Variants in ADAMTS19 observed in about 807,000 individuals in gnomAD.
ADAMTS19 encodes ADAM metallopeptidase with thrombospondin type 1 motif 19, also known as A disintegrin and metalloproteinase with thrombospondin motifs 19.
In ADAMTS19, 93 loss-of-function variants were observed where a neutral mutation model predicts 153.3. The ratio of observed to expected loss-of-function variants is 0.61; its 90% CI spans 0.51 to 0.72. The LOEUF is 0.72. Ranked by LOEUF, ADAMTS19 falls within the 30% of genes least tolerant of loss-of-function variation. The pLI is 0.00. For missense variants in ADAMTS19, 1,482 were observed against 1,552.1 expected (o/e 0.95, Z 0.76); for synonymous variants, 600 against 556.6 (o/e 1.08, Z -1.10).
chr5:129,656,442 G>A (rs974120721), intron 14 of ADAMTS19, among the ~76,000 whole-genome samples: 1 of 152,180 alleles, frequency 6.6e-6, no homozygotes, highest in Admixed American at 6.5e-5. Flanking sequence ...CTTAGTGAAC[G>A]AAAGGCAATT....
intron 15 of ADAMTS19, among the ~76,000 whole-genome samples, chr5:129,664,552 A>G (rs1014723244): frequency 6.6e-6 from 1 of 152,100 alleles, no homozygotes; most frequent in Admixed American, 6.6e-5. Flanking sequence ...CAGGGGGGGT[A>G]TATGCTACCT....
intron 7 of ADAMTS19, among the ~76,000 whole-genome samples, chr5:129,552,215 A>T (rs1299360139): frequency 6.6e-6 from 1 of 151,890 alleles, no homozygotes; most frequent in African/African-American, 2.4e-5. Context: ...CCAAAGACAA[A>T]ATATATTAAT....
At chr5:129,486,775 A>T (rs994072503) in intron 2 of ADAMTS19, among the ~76,000 whole-genome samples, 1 of 152,204 alleles carries the variant, frequency 6.6e-6, no homozygotes, top group African/African-American at 2.4e-5. Context: ...TAAATACAGT[A>T]AAATAAATTA....
chr5:129,476,661 T>C (rs183728516), intron 2 of ADAMTS19, among the ~76,000 whole-genome samples: 38 of 152,290 alleles, frequency 2.5e-4, no homozygotes, highest in African/African-American at 8.9e-4. Flanking sequence ...GTAATGTAAG[T>C]TTCAAGAGTT....
chr5:129,505,091 G>A (rs1434268779), intron 2 of ADAMTS19, among the ~76,000 whole-genome samples: 2 of 152,008 alleles, frequency 1.3e-5, no homozygotes, highest in Non-Finnish European at 2.9e-5. Flanking sequence ...ATTTTATCAC[G>A]ACTGTTACAA....
At chr5:129,478,546 T>G (rs1750301618) in intron 2 of ADAMTS19, among the ~76,000 whole-genome samples, 1 of 152,136 alleles carries the variant, frequency 6.6e-6, no homozygotes, top group Admixed American at 6.5e-5. Flanking sequence ...CCCTACCTTT[T>G]TTTGTTTGTT....
In ADAMTS19 at chr5:129,694,759, G is replaced by A. The variant is rs1364431508; in HGVS notation, c.2858G>A (p.Ser953Asn). 1 of 1,605,990 alleles carries A rather than the reference G, an allele frequency of 6.2e-7. No individual in the cohort carries two copies. Among genetic ancestry groups the A allele is most frequent in the African/African-American group, 1.3e-5 (1 of 74,490 alleles). The change falls in exon 19 of 23, where the codon AGC becomes AAC. Residue 953 changes from serine to asparagine, a missense_variant. Ser to Asn is a conservative substitution (Grantham distance 46). Coordinates refer to ENST00000274487, the MANE Select transcript of ADAMTS19 (RefSeq NM_133638.6). ...KTTVSCTKIM[S>N]KNISIVDNEK... is the part of the protein sequence containing the mutation. ...ACAGTGTCCTGCACAAAAATCATGA[G>A]CAAAAATATCAGCATTGTGGACAAT...
intron 10 of ADAMTS19, among the ~76,000 whole-genome samples, chr5:129,632,856 G>A (rs1363954767): frequency 2.0e-5 from 3 of 151,994 alleles, no homozygotes; most frequent in Non-Finnish European, 4.4e-5. Context: ...TGACTATAAT[G>A]TGTCTACATA....
intron 2 of ADAMTS19, among the ~76,000 whole-genome samples, chr5:129,462,326 G>C (rs1468082673): frequency 2.0e-5 from 3 of 152,194 alleles, no homozygotes; most frequent in Non-Finnish European, 2.9e-5. Flanking sequence ...AGTTGGGAGG[G>C]ACTCAACTGA....
At chr5:129,540,901 G>A (rs957709293) in intron 6 of ADAMTS19, among the ~76,000 whole-genome samples, 4 of 151,938 alleles carry the variant, frequency 2.6e-5, no homozygotes, top group Non-Finnish European at 2.9e-5. Context: ...CAGACTTCGG[G>A]TGCACAGTCT....
chr5:129,632,089 G>C (rs1752322294), intron 10 of ADAMTS19, among the ~76,000 whole-genome samples: 1 of 152,022 alleles, frequency 6.6e-6, no homozygotes, highest in Non-Finnish European at 1.5e-5. Flanking sequence ...GTCAGCAGCA[G>C]AGCCTCTGTT....
intron 2 of ADAMTS19, among the ~76,000 whole-genome samples, chr5:129,494,346 T>G (rs1750860936): frequency 6.6e-6 from 1 of 152,040 alleles, no homozygotes. Context: ...GATACATGTT[T>G]TTGTCATTGG....
At chr5:129,670,875 T>G (rs1754271366) in intron 16 of ADAMTS19, among the ~76,000 whole-genome samples, 1 of 152,170 alleles carries the variant, frequency 6.6e-6, no homozygotes, top group Non-Finnish European at 1.5e-5. Flanking sequence ...ACTCTTTGTT[T>G]TTAAAAGACC....
At chr5:129,630,659 G>A (rs2126999324) in intron 10 of ADAMTS19, among the ~76,000 whole-genome samples, 1 of 152,050 alleles carries the variant, frequency 6.6e-6, no homozygotes, top group South Asian at 2.1e-4. Flanking sequence ...GAAAAAGGTA[G>A]AGGAAATATT....
intron 14 of ADAMTS19, among the ~76,000 whole-genome samples, chr5:129,656,786 C>A (rs181647252): frequency 6.6e-6 from 1 of 152,288 alleles, no homozygotes; most frequent in Non-Finnish European, 1.5e-5. Context: ...GATTTACAGA[C>A]CTTGTAATAT....
At chr5:129,649,737 G>A (rs765178036) in intron 13 of ADAMTS19, among the ~76,000 whole-genome samples, 1 of 152,190 alleles carries the variant, frequency 6.6e-6, no homozygotes, top group Non-Finnish European at 1.5e-5. Flanking sequence ...TGGGTTTGCT[G>A]TAGTTCTATA....
intron 7 of ADAMTS19, among the ~76,000 whole-genome samples, chr5:129,553,606 TTC>T (rs1753210777): frequency 6.6e-6 from 1 of 152,248 alleles, no homozygotes; most frequent in South Asian, 2.1e-4. Flanking sequence ...CCTTCCTGAA[TTC>T]TCTCTGTTTT....
chr5:129,735,071 A>G lies in ADAMTS19; in HGVS notation c.3452A>G (p.Glu1151Gly). The change falls in exon 22 of 23, where the codon GAG becomes GGG. Residue 1151 changes from glutamate (E) to glycine (G), a missense_variant. By Grantham distance (98) the Glu-to-Gly change is moderately conservative (BLOSUM62 -2). This residue lies in a region of ADAMTS19 where 616 missense variants were observed against 724.4 expected (regional missense o/e 0.85). Transcript: ENST00000274487. ...YRPCHLQPCN[E>G]KINVNTITSP... ...CCATGCCATCTTCAACCCTGCAATG[A>G]GAAAATTAATGTAAATACCATAACA... is the stretch of plus-strand genomic sequence containing the variant. 6.2e-7 allele frequency: 1 copy of G among 1,604,880 alleles called. No individual in the cohort carries two copies. The highest frequency in any genetic ancestry group is 8.5e-7 in the Non-Finnish European group (1 of 1,176,774).
At chr5:129,645,374 G>C (rs953962159) in intron 11 of ADAMTS19, among the ~76,000 whole-genome samples, 1 of 152,052 alleles carries the variant, frequency 6.6e-6, no homozygotes, top group Non-Finnish European at 1.5e-5. Context: ...TTGTATAATA[G>C]TTTAAACAAA....
Sources: allele counts gnomAD v4.1 joint callset (sites outside exome capture counted in the v4.1 genomes callset), GRCh38; gene constraint gnomAD v4.1.1; regional missense constraint gnomAD v4.1.1; transcripts MANE v1.5; gene names NCBI Gene and HGNC (gene_info 2026-07-23, HGNC 2026-07-21).